The following GMIP variants were observed in gnomAD, a reference collection of about 807,000 sequenced individuals.
GMIP encodes GEM-interacting protein.
Under a neutral mutation model 105.3 loss-of-function variants are expected in GMIP, and 54 were observed. The observed-to-expected ratio is 0.51, with a 90% CI of 0.41 to 0.64. GMIP has a LOEUF of 0.64. Ranked by LOEUF, GMIP falls within the 30% of genes least tolerant of loss-of-function variation. GMIP has a pLI of 0.00. For missense variants in GMIP, 1,110 were observed against 1,319.4 expected, an observed-to-expected ratio of 0.84 and a Z score of 2.46; for synonymous variants, 541 against 560.8, an observed-to-expected ratio of 0.96 and a Z score of 0.50.
In GMIP at chr19:19,638,272, C is replaced by G. The variant is rs1487824671; in HGVS notation, c.676G>C (p.Asp226His). 2 of 1,608,140 alleles carry G rather than the reference C, an allele frequency of 1.2e-6. No homozygotes were observed. The highest frequency in any genetic ancestry group is 1.7e-6 in the Non-Finnish European group (2 of 1,179,754). Residue 226 changes from aspartate (D) to histidine (H), a missense_variant, in exon 9 of 21, where the codon GAC becomes CAC. Transcript: ENST00000203556. ...GACCCCTGGGAGCGTGCCCGCAGGTCCTCGCTGCGTTGCACATACTGCAGC... is the reference window on the plus strand; with the variant it reads ...GACCCCTGGGAGCGTGCCCGCAGGTGCTCGCTGCGTTGCACATACTGCAGC... ...AQLQYVQRSE[D>H]LRARSQGSPE...
At position 19,637,885 on chromosome 19, in the gene GMIP, G is replaced by A; in HGVS notation, c.927+35C>T. On this transcript the variant is annotated intron_variant, in intron 10 of 20. Coordinates refer to ENST00000203556, the MANE Select transcript of GMIP (RefSeq NM_016573.4). This position sits in a 1 kb window ranked among gnomAD's most constrained non-coding sequence, Gnocchi z 6.7. ...GGGCACTCAGTCGGGGCCCCAACGG[G>A]GTGAGGGGAGGATGGCCTTGGGGAT... 1.3e-6 allele frequency: 2 copies of A among 1,572,186 alleles called. No individual in the cohort carries two copies. The highest frequency in any genetic ancestry group is 1.7e-6 in the Non-Finnish European group (2 of 1,158,374).
In GMIP at chr19:19,642,612, G is replaced by T; in HGVS notation, c.27C>A (p.Pro9=). 6.3e-7 allele frequency: 1 copy of T among 1,595,424 alleles called. No homozygotes were observed. Among genetic ancestry groups the T allele is most frequent in the South Asian group, 1.1e-5 (1 of 90,328 alleles). ...ACCTCTTCCTGCCCTCAGGACCTGG[G>T]GGGAGTCCTAGGGGAGGGGAGTGTA... The part of the protein sequence containing the change: MDAAEPGL[P]PGPEGRKRYS... The change falls in exon 2 of 21, where the codon CCC becomes CCA. Residue 9 remains proline, a synonymous_variant. Coordinates refer to ENST00000203556, the MANE Select transcript of GMIP (RefSeq NM_016573.4).
Position 19,635,653 on chromosome 19 carries a change from G to C in GMIP, c.1396C>G (p.Arg466Gly), listed in dbSNP as rs138995642. The change falls in exon 14 of 21, where the codon CGA becomes GGA. Residue 466 changes from arginine to glycine, a missense_variant. Around this residue, in one of 3 missense-constraint regions of GMIP, gnomAD observed 667 missense variants for 773.2 expected, o/e 0.86. Transcript: ENST00000203556. The surrounding 1 kb of genome is among the most constrained non-coding windows in gnomAD (Gnocchi z 4.7). ...GTESSDDFEE[R>G]DPDLGDGLEN... Reference sequence around the variant, plus strand: ...CCTGCTTCAGCCTCACCAGGGTCTCGCTCCTCAAAGTCATCTGAGGACTCA... The same window carrying C: ...CCTGCTTCAGCCTCACCAGGGTCTCCCTCCTCAAAGTCATCTGAGGACTCA... 2 of 1,613,970 alleles carry C rather than the reference G, an allele frequency of 1.2e-6. No homozygotes were observed. The highest frequency in any genetic ancestry group is 1.1e-5 in the South Asian group (1 of 91,082).
Position 19,630,184 on chromosome 19 carries a change from T to G in GMIP, c.2692A>C (p.Thr898Pro). The change falls in exon 21 of 21, where the codon ACC (threonine) becomes CCC (proline). Residue 898 changes from threonine (T) to proline (P), a missense_variant. Around this residue, in one of 3 missense-constraint regions of GMIP, gnomAD observed 394 missense variants for 450.5 expected, o/e 0.87. Transcript: ENST00000203556. The surrounding 1 kb of genome is among the most constrained non-coding windows in gnomAD (Gnocchi z 4.8). ...ALVASKLCEE[T>P]PITSVPRGSL... ...CCTCTGGGCACTGATGTGATGGGGG[T>G]CTCCTCGCACAGCTTGGAAGCCACC... is the stretch of plus-strand genomic sequence containing the variant. 1 of 1,602,652 alleles carries G rather than the reference T, an allele frequency of 6.2e-7. No individual in the cohort carries two copies. Among genetic ancestry groups the G allele is most frequent in the Middle Eastern group, 1.7e-4 (1 of 6,016 alleles).
Position 19,629,610 on chromosome 19 carries a change from C to T in GMIP, c.*353G>A. The T allele has an allele frequency of 4.1e-6, 1 of 243,734 alleles. No homozygotes were observed. 15.1% of individuals were successfully genotyped at this position (243,734 alleles called of 1,614,324 possible). ...GGCAGGTGTGGGGGAGTGACCACAA[C>T]CAAAGTAGCAAAAGCACCCCTGTCC... On this transcript the variant is annotated 3_prime_UTR_variant, in exon 21 of 21. Coordinates refer to ENST00000203556, the MANE Select transcript of GMIP (RefSeq NM_016573.4).
At chr19:19,633,553 C>T (rs1182242444) in intron 19 of GMIP, among the ~76,000 whole-genome samples, 1 of 152,154 alleles carries the variant, frequency 6.6e-6, no homozygotes, top group Non-Finnish European at 1.5e-5. Flanking sequence ...AATACATGTT[C>T]AATAAATATT....
intron 19 of GMIP, among the ~76,000 whole-genome samples, chr19:19,632,357 T>G (rs2061805514): frequency 6.6e-6 from 1 of 152,034 alleles, no homozygotes; most frequent in Non-Finnish European, 1.5e-5. Flanking sequence ...CCCAGCACTT[T>G]GGGAGGCTGA....
chr19:19,642,753 T>G lies in GMIP; in HGVS notation c.20-134A>C, dbSNP rs569649309. ...GAGAAAGAGAGGGCTGGGGGGGGCT[T>G]GGTTGGGGCCAACTCGAGGCAGGCA... On this transcript the variant is annotated intron_variant, in intron 1 of 20. Transcript: ENST00000203556. 1.7e-4 allele frequency: 85 copies of G among 497,340 alleles called. No individual in the cohort carries two copies. In the South Asian group the frequency reaches 2.1e-3, roughly 13 times the overall value. The allele number at this position is 497,340 out of a possible 1,614,324, so 30.8% of individuals were successfully genotyped here.
At chr19:19,638,975 G>A (rs1425496842) in intron 7 of GMIP, among the ~76,000 whole-genome samples, 2 of 151,806 alleles carry the variant, frequency 1.3e-5, no homozygotes, top group Non-Finnish European at 2.9e-5. Flanking sequence ...ACCTACTCGG[G>A]AGGCTGAGGC....
In GMIP at chr19:19,634,523, C is replaced by G; in HGVS notation, c.2068G>C (p.Val690Leu). The G allele has an allele frequency of 1.2e-6, 2 of 1,610,598 alleles. No homozygotes were observed. Among genetic ancestry groups the G allele is most frequent in the Non-Finnish European group, 1.7e-6 (2 of 1,179,048 alleles). Residue 690 changes from valine (V) to leucine (L), a missense_variant, in exon 18 of 21, where the codon GTG (valine) becomes CTG (leucine). This residue lies in a region of GMIP where 394 missense variants were observed against 450.5 expected (regional missense o/e 0.87). Coordinates refer to ENST00000203556, the MANE Select transcript of GMIP (RefSeq NM_016573.4). This position sits in a 1 kb window ranked among gnomAD's most constrained non-coding sequence, Gnocchi z 6.1. ...DSNYNTLRHL[V>L]AHLFRVAARF... The stretch of plus-strand genomic sequence containing the variant: ...CATGCACACCTGAACAGATGGGCCA[C>G]CAGGTGCCGCAGGGTGTTGTAGTTA...
At chr19:19,642,464 C>A in intron 2 of GMIP, 71 bp downstream of exon 2, 2 of 909,736 alleles carry the variant, frequency 2.2e-6, no homozygotes, top group East Asian at 2.4e-5. Flanking sequence ...AATGGGACTG[C>A]AAGGCACCTA....
chr19:19,635,125 C>T lies in GMIP; in HGVS notation c.1649G>A (p.Gly550Glu). ...CCTGGGTAGCTGCAGGAAGTCAACC[C>T]CAAAAAGGGGTGTCCGGGCTGGGAG... ...RRLPARTPLF[G>E]VDFLQLPRDF... is the part of the protein sequence containing the mutation. Residue 550 changes from glycine (G) to glutamate (E), a missense_variant, in exon 16 of 21, where the codon GGG (glycine) becomes GAG (glutamate). Coordinates refer to ENST00000203556, the MANE Select transcript of GMIP (RefSeq NM_016573.4). The surrounding 1 kb of genome is among the most constrained non-coding windows in gnomAD (Gnocchi z 4.7). 1 of 1,613,946 alleles carries T rather than the reference C, an allele frequency of 6.2e-7. No homozygotes were observed. Among genetic ancestry groups the T allele is most frequent in the African/African-American group, 1.3e-5 (1 of 75,016 alleles).
chr19:19,638,838 T>C (rs1014287523), intron 7 of GMIP, among the ~76,000 whole-genome samples: 2 of 151,328 alleles, frequency 1.3e-5, no homozygotes, highest in Non-Finnish European at 2.9e-5. Flanking sequence ...TCCCAGCACT[T>C]GGGAGGCCAA....
rs1194049493 is a variant in GMIP, at chr19:19,629,858, A to G, written c.*105T>C. The G allele has an allele frequency of 1.7e-6, 2 of 1,149,266 alleles. No individual in the cohort carries two copies. Among genetic ancestry groups the G allele is most frequent in the Admixed American group, 4.9e-5 (2 of 40,924 alleles). The allele number at this position is 1,149,266 out of a possible 1,614,324, so 71.2% of individuals were successfully genotyped here. On this transcript the variant is annotated 3_prime_UTR_variant, in exon 21 of 21. Coordinates refer to ENST00000203556, the MANE Select transcript of GMIP (RefSeq NM_016573.4). ...AGGAACCCTCTGGACCTCTCCCAGC[A>G]TTGAACTCCTGGCGGGGTGTTTGGC...
Position 19,630,456 on chromosome 19 carries a change from C to A in GMIP, c.2539+15G>T. On this transcript the variant is annotated intron_variant, in intron 20 of 20. Coordinates refer to ENST00000203556, the MANE Select transcript of GMIP (RefSeq NM_016573.4). The surrounding 1 kb of genome is among the most constrained non-coding windows in gnomAD (Gnocchi z 4.8). The stretch of plus-strand genomic sequence containing the variant: ...GCACCCCCAGAACTCCTGAGCCTCT[C>A]TCTAACATACTCACCTTCCCCTCCC... The A allele has an allele frequency of 6.2e-7, 1 of 1,613,416 alleles. No individual in the cohort carries two copies. Among genetic ancestry groups the A allele is most frequent in the Non-Finnish European group, 8.5e-7 (1 of 1,179,414 alleles).
In GMIP at chr19:19,638,382, C is replaced by A. The variant is rs1488246310; in HGVS notation, c.618+20G>T. The A allele has an allele frequency of 2.5e-6, 4 of 1,613,974 alleles. No homozygotes were observed. The highest frequency in any genetic ancestry group is 3.4e-6 in the Non-Finnish European group (4 of 1,179,946). ...CCGGCCTCTCTCTCACCCTACCCTT[C>A]CACCAATTCCAAGCCTCACCATCCG... On this transcript the variant is annotated intron_variant, in intron 8 of 20. Transcript: ENST00000203556.
At position 19,642,515 on chromosome 19, in the gene GMIP, T is replaced by C. The variant is rs754149967; in HGVS notation, c.104+20A>G. ...GGGGCATCTTGGCAGGATTTGGGGG[T>C]GATCCAGGCTCAGACTCACACGTTC... On this transcript the variant is annotated intron_variant, in intron 2 of 20. Coordinates refer to ENST00000203556, the MANE Select transcript of GMIP (RefSeq NM_016573.4). 31 of 1,538,202 alleles carry C rather than the reference T, an allele frequency of 2.0e-5. No individual in the cohort carries two copies. The South Asian group carries it at 3.4e-4, about 17-fold the overall frequency.
At position 19,640,484 on chromosome 19, in the gene GMIP, T is replaced by C; in HGVS notation, c.326A>G (p.Lys109Arg). 6.2e-7 allele frequency: 1 copy of C among 1,614,112 alleles called. No homozygotes were observed. The highest frequency in any genetic ancestry group is 1.6e-4 in the Middle Eastern group (1 of 6,062). ...EYAKTWSRYAKELLAWTEKRA... is the reference protein window; with the variant it reads ...EYAKTWSRYARELLAWTEKRA... ...CTTTTCAGTCCAGGCAAGCAGTTCC[T>C]TGGCATAGCGGCTCCAGGTCTTGGC... The change falls in exon 5 of 21, where the codon AAG (lysine) becomes AGG (arginine). Residue 109 changes from lysine to arginine, a missense_variant. Coordinates refer to ENST00000203556, the MANE Select transcript of GMIP (RefSeq NM_016573.4).
At chr19:19,638,973 G>A (rs1167307221) in intron 7 of GMIP, among the ~76,000 whole-genome samples, 1 of 151,716 alleles carries the variant, frequency 6.6e-6, no homozygotes, top group Non-Finnish European at 1.5e-5. Flanking sequence ...CCACCTACTC[G>A]GGAGGCTGAG....
Sources: allele counts gnomAD v4.1 joint callset (sites outside exome capture counted in the v4.1 genomes callset), GRCh38; gene constraint gnomAD v4.1.1; regional missense constraint gnomAD v4.1.1; non-coding constraint Gnocchi (gnomAD v3.1); transcripts MANE v1.5; gene names NCBI Gene and HGNC (gene_info 2026-07-23, HGNC 2026-07-21).